The following EPB41L1 variants were observed in gnomAD, a reference collection of about 807,000 sequenced individuals.
The protein encoded by EPB41L1 is erythrocyte membrane protein band 4.1 like 1, also known as band 4.1-like protein 1.
A neutral mutation model predicts 97.8 loss-of-function variants in EPB41L1; 29 were observed. That is an observed-to-expected ratio of 0.30 (90% CI 0.22 to 0.40). EPB41L1 has a LOEUF of 0.40. EPB41L1 is among the 10% of genes least tolerant of loss of function. EPB41L1 has a pLI of 1.00. For synonymous variants in EPB41L1, 383 were observed against 459.2 expected (o/e 0.83, Z 2.12); for missense variants, 812 against 1,162.3 (o/e 0.70, Z 4.38).
intron 14 of EPB41L1, among the ~76,000 whole-genome samples, chr20:36,199,703 A>C (rs1377911797): frequency 1.3e-5 from 2 of 152,200 alleles, no homozygotes; most frequent in African/African-American, 4.8e-5. Context: ...AGGCTGGTCT[A>C]GTGATCCAGT....
chr20:36,185,197 G>T lies in EPB41L1; in HGVS notation c.647G>T (p.Gly216Val). 6.2e-7 allele frequency: 1 copy of T among 1,613,640 alleles called. No homozygotes were observed. The highest frequency in any genetic ancestry group is 8.5e-7 in the Non-Finnish European group (1 of 1,180,044). The change falls in exon 7 of 22, where the codon GGC becomes GTC. Residue 216 changes from glycine to valine, a missense_variant. Coordinates refer to ENST00000338074, the MANE Select transcript of EPB41L1 (RefSeq NM_012156.2). ...TCCTTTGTCACGCATGCCCTACTGG[G>T]CTCCTACGCTGTGCAGGCTGAGCTG... is the stretch of plus-strand genomic sequence containing the variant. ...PCSFVTHALLGSYAVQAELGD... is the reference protein window; with the variant it reads ...PCSFVTHALLVSYAVQAELGD...
chr20:36,192,328 C>T (rs767525143), intron 11 of EPB41L1, among the ~76,000 whole-genome samples: 4 of 152,028 alleles, frequency 2.6e-5, no homozygotes, highest in Non-Finnish European at 5.9e-5. Flanking sequence ...GTCCAGAGAT[C>T]AAGACCATCC....
At chr20:36,101,628 T>A (rs1364607371) in intron 1 of EPB41L1, among the ~76,000 whole-genome samples, 1 of 151,962 alleles carries the variant, frequency 6.6e-6, no homozygotes, top group Admixed American at 6.6e-5. Context: ...CCCATTCCCC[T>A]CCCTCCTAGG....
chr20:36,210,027 C>T, intron 15 of EPB41L1, 129 bp downstream of exon 15: 9 of 1,133,202 alleles, frequency 7.9e-6, no homozygotes, highest in Non-Finnish European at 1.1e-5. Context: ...CATGACTGCC[C>T]CTCCGCAGAA....
intron 2 of EPB41L1, among the ~76,000 whole-genome samples, chr20:36,149,391 G>A (rs944231606): frequency 1.3e-5 from 2 of 152,194 alleles, no homozygotes; most frequent in Non-Finnish European, 2.9e-5. Context: ...AAGGCTTAAC[G>A]CAGGAGGGTG....
intron 15 of EPB41L1, 140 bp downstream of exon 15, chr20:36,210,038 C>A: frequency 9.7e-7 from 1 of 1,030,186 alleles, no homozygotes; most frequent in Non-Finnish European, 1.4e-6. Context: ...CTCCGCAGAA[C>A]AGCATGGTTC....
rs1022719504 is a variant in EPB41L1, at chr20:36,206,295, G to A, written c.1669-3193G>A. 5 of 1,289,794 alleles carry A rather than the reference G, an allele frequency of 3.9e-6. No homozygotes were observed. In the African/African-American group the frequency reaches 7.6e-5, roughly 20 times the overall value. 79.9% of individuals were successfully genotyped at this position (1,289,794 alleles called of 1,614,324 possible). ...AGACAGAGCTGAGGAAGGGGCTGGA[G>A]GAGCCTCACACTTGTGGGAGACCCA... On this transcript the variant is annotated intron_variant, in intron 14 of 21. Coordinates refer to ENST00000338074, the MANE Select transcript of EPB41L1 (RefSeq NM_012156.2). The surrounding 1 kb of genome is among the most constrained non-coding windows in gnomAD (Gnocchi z 5.5).
chr20:36,122,250 C>G (rs901454828), intron 2 of EPB41L1, among the ~76,000 whole-genome samples: 1 of 152,206 alleles, frequency 6.6e-6, no homozygotes, highest in African/African-American at 2.4e-5. Context: ...CCAACTGACG[C>G]AAACAGCCTA....
At position 36,098,858 on chromosome 20, in the gene EPB41L1, C is replaced by T. The variant is rs877733; in HGVS notation, c.-65+7246C>T. Among the ~76,000 whole-genome samples the T allele has an allele frequency of 3.9e-4, 59 of 152,190 alleles. No individual in the cohort carries two copies. In the East Asian group the frequency reaches 0.011, roughly 27 times the overall value. The stretch of plus-strand genomic sequence containing the variant: ...ACAGTAGGCCAGGCATGGTTGCTCA[C>T]GCCTGTAATCCCAGCACTTTGGGAG... On this transcript the variant is annotated intron_variant, in intron 1 of 19. Coordinates refer to the EPB41L1 transcript ENST00000202028.
At chr20:36,115,711 G>A (rs900286584) in intron 2 of EPB41L1, among the ~76,000 whole-genome samples, 6 of 152,104 alleles carry the variant, frequency 3.9e-5, no homozygotes, top group Non-Finnish European at 7.3e-5. Context: ...GACCAACATG[G>A]TGAAACCCCG....
At chr20:36,140,391 A>T (rs575917742) in intron 2 of EPB41L1, among the ~76,000 whole-genome samples, 8 of 152,212 alleles carry the variant, frequency 5.3e-5, no homozygotes, top group Admixed American at 3.3e-4. Flanking sequence ...GCTTTCTAAG[A>T]GACATGGTAG....
intron 3 of EPB41L1, 71 bp downstream of exon 3, chr20:36,175,786 G>GTGTA: frequency 6.3e-7 from 1 of 1,576,882 alleles, no homozygotes; most frequent in East Asian, 2.2e-5. Flanking sequence ...AGGCTCCTGT[G>GTGTA]TGTACCCAGC....
In EPB41L1 at chr20:36,207,457, C is replaced by A; in HGVS notation, c.1669-2031C>A. On this transcript the variant is annotated intron_variant, in intron 14 of 21. Transcript: ENST00000338074. The surrounding 1 kb of genome is among the most constrained non-coding windows in gnomAD (Gnocchi z 4.9). The stretch of plus-strand genomic sequence containing the variant: ...CAAGACCTCAGTGGCCAACAAAATT[C>A]GGATATTTGAGACCCACGGAGCTGA... 1 of 1,289,762 alleles carries A rather than the reference C, an allele frequency of 7.8e-7. No individual in the cohort carries two copies. Among genetic ancestry groups the A allele is most frequent in the Non-Finnish European group, 1.0e-6 (1 of 988,862 alleles). 79.9% of individuals were successfully genotyped at this position (1,289,762 alleles called of 1,614,324 possible). A position where few individuals can be genotyped will look rare whatever the true frequency, so the allele number is the denominator to read the frequency against.
chr20:36,133,968 T>C (rs761062415), intron 2 of EPB41L1, among the ~76,000 whole-genome samples: 1 of 152,008 alleles, frequency 6.6e-6, no homozygotes, highest in Non-Finnish European at 1.5e-5. Flanking sequence ...CTAGGTGAGG[T>C]AGGTTTTACG....
intron 16 of EPB41L1, among the ~76,000 whole-genome samples, chr20:36,213,822 A>G (rs2063281504): frequency 6.6e-6 from 1 of 152,224 alleles, no homozygotes; most frequent in Admixed American, 6.5e-5. Context: ...TATACTTAAC[A>G]ATGTTTACAC....
rs1384217262 is a variant in EPB41L1 at position 36,093,502 on chromosome 20, C to T, written c.-65+1890C>T. ...CGCCGCCGCCGCTGGGAGCTGGGCA[C>T]CTGGCCTGGGCGGTGGGTGGCGGCG... On this transcript the variant is annotated intron_variant, in intron 1 of 19. Transcript: ENST00000202028. The surrounding 1 kb of genome is among the most constrained non-coding windows in gnomAD (Gnocchi z 5.4). Among the ~76,000 whole-genome samples, 1 of 151,822 alleles carries T rather than the reference C, an allele frequency of 6.6e-6. No individual in the cohort carries two copies. Among genetic ancestry groups the T allele is most frequent in the Non-Finnish European group, 1.5e-5 (1 of 67,906 alleles).
chr20:36,186,845 A>C (rs2061703912), intron 7 of EPB41L1, among the ~76,000 whole-genome samples: 1 of 152,204 alleles, frequency 6.6e-6, no homozygotes, highest in South Asian at 2.1e-4. Flanking sequence ...GCCCAGAGGT[A>C]GACAGGTCAC....
At chr20:36,172,849 C>T (rs2061053294) in intron 1 of EPB41L1, among the ~76,000 whole-genome samples, 1 of 152,204 alleles carries the variant, frequency 6.6e-6, no homozygotes, top group African/African-American at 2.4e-5. Context: ...ATCCGCCCTC[C>T]CTGGCCTCCC....
chr20:36,117,300 G>T (rs553492871), intron 2 of EPB41L1, among the ~76,000 whole-genome samples: 1 of 152,296 alleles, frequency 6.6e-6, no homozygotes, highest in Non-Finnish European at 1.5e-5. Context: ...CCCACGTAAG[G>T]TCCAGACATC....
Sources: allele counts gnomAD v4.1 joint callset (sites outside exome capture counted in the v4.1 genomes callset), GRCh38; gene constraint gnomAD v4.1.1; non-coding constraint Gnocchi (gnomAD v3.1); transcripts MANE v1.5; gene names NCBI Gene and HGNC (gene_info 2026-07-23, HGNC 2026-07-21).